Variants in L3MBTL4 observed in about 807,000 individuals in gnomAD.
L3MBTL4 encodes L3MBTL histone methyl-lysine binding protein 4.
A neutral mutation model predicts 84.5 loss-of-function variants in L3MBTL4; 70 were observed. That is an observed-to-expected ratio of 0.83 (90% CI 0.68 to 1.01). L3MBTL4 has a LOEUF of 1.01. L3MBTL4 is among the 50% of genes least tolerant of loss of function. L3MBTL4 has a pLI of 0.00. For missense variants in L3MBTL4, 715 were observed against 754.8 expected (o/e 0.95, Z 0.62); for synonymous variants, 274 against 259.8 (o/e 1.05, Z -0.52).
At chr18:6,299,187 A>G (rs2146802327) in intron 4 of L3MBTL4, among the ~76,000 whole-genome samples, 1 of 152,304 alleles carries the variant, frequency 6.6e-6, no homozygotes, top group Admixed American at 6.5e-5. Context: ...TACTATGAAG[A>G]GTTTATCTCA....
intron 16 of L3MBTL4, among the ~76,000 whole-genome samples, chr18:6,032,568 T>C (rs1392314699): frequency 6.6e-6 from 1 of 151,992 alleles, no homozygotes; most frequent in Non-Finnish European, 1.5e-5. Context: ...ATACACACAA[T>C]ATTTACCGTC....
intron 12 of L3MBTL4, among the ~76,000 whole-genome samples, chr18:6,174,517 G>C (rs1198785431): frequency 6.6e-6 from 1 of 152,074 alleles, no homozygotes; most frequent in Non-Finnish European, 1.5e-5. Context: ...GGAGATGGCA[G>C]AAAAACAGAT....
At chr18:6,387,796 G>A (rs1396112631) in intron 1 of L3MBTL4, among the ~76,000 whole-genome samples, 5 of 152,182 alleles carry the variant, frequency 3.3e-5, no homozygotes, top group Non-Finnish European at 5.9e-5. Context: ...TGATGAGTAG[G>A]GAGCCAAAGA....
chr18:6,329,757 C>T (rs969746973), intron 1 of L3MBTL4, among the ~76,000 whole-genome samples: 1 of 152,110 alleles, frequency 6.6e-6, no homozygotes, highest in Non-Finnish European at 1.5e-5. Context: ...CCCATGATAA[C>T]CCATTAATCC....
intron 14 of L3MBTL4, among the ~76,000 whole-genome samples, chr18:6,125,108 C>T (rs950382854): frequency 1.3e-5 from 2 of 150,354 alleles, no homozygotes; most frequent in Admixed American, 1.3e-4. Flanking sequence ...TAATAAAAAA[C>T]ATTTGGGTGG....
chr18:6,182,328 C>T (rs2044512678), intron 12 of L3MBTL4, among the ~76,000 whole-genome samples: 1 of 152,050 alleles, frequency 6.6e-6, no homozygotes. Context: ...TATACTTTGC[C>T]CACTTTTTAA....
At chr18:6,152,634 A>G (rs987174091) in intron 13 of L3MBTL4, among the ~76,000 whole-genome samples, 1 of 152,146 alleles carries the variant, frequency 6.6e-6, no homozygotes, top group African/African-American at 2.4e-5. Context: ...TGAATTCCTT[A>G]TATACATGGA....
In L3MBTL4 at chr18:5,969,685, G is replaced by A. The variant is rs182439193; in HGVS notation, c.1445-123C>T. On this transcript the variant is annotated intron_variant, in intron 16 of 18. Transcript: ENST00000317931. ...AAGTGCAGACACCACCAGAACCCGC[G>A]TCTTCTGATCGTACAGCATCACCCC... The A allele has an allele frequency of 1.7e-4, 151 of 893,870 alleles. No individual in the cohort carries two copies. The African/African-American group carries it at 1.8e-3, about 11-fold the overall frequency. 55.4% of individuals were successfully genotyped at this position (893,870 alleles called of 1,614,324 possible). A position where few individuals can be genotyped will look rare whatever the true frequency, so the allele number is the denominator to read the frequency against.
intron 13 of L3MBTL4, among the ~76,000 whole-genome samples, chr18:6,140,673 T>C (rs2060171135): frequency 6.6e-6 from 1 of 152,058 alleles, no homozygotes; most frequent in South Asian, 2.1e-4. Context: ...CCTCCCATTC[T>C]CCAGGATCTG....
intron 13 of L3MBTL4, among the ~76,000 whole-genome samples, chr18:6,158,488 G>T (rs1210030655): frequency 6.6e-6 from 1 of 152,130 alleles, no homozygotes; most frequent in African/African-American, 2.4e-5. Context: ...TGAGAGAAAG[G>T]AATAAGCGTA....
chr18:6,019,840 G>C (rs1414894282), intron 16 of L3MBTL4, among the ~76,000 whole-genome samples: 1 of 152,182 alleles, frequency 6.6e-6, no homozygotes, highest in Non-Finnish European at 1.5e-5. Flanking sequence ...TGCAAATTTA[G>C]ATCATGTGTG....
At chr18:6,103,339 G>T (rs1235941023) in intron 14 of L3MBTL4, among the ~76,000 whole-genome samples, 1 of 152,048 alleles carries the variant, frequency 6.6e-6, no homozygotes, top group East Asian at 1.9e-4. Context: ...CTTTTTAATT[G>T]TAACATTTTG....
At chr18:6,069,842 A>G (rs2057524783) in intron 16 of L3MBTL4, among the ~76,000 whole-genome samples, 1 of 152,180 alleles carries the variant, frequency 6.6e-6, no homozygotes, top group African/African-American at 2.4e-5. Context: ...CAAGATAGAG[A>G]ATTTTACTCA....
At chr18:6,020,657 C>T (rs2055206053) in intron 16 of L3MBTL4, among the ~76,000 whole-genome samples, 1 of 152,116 alleles carries the variant, frequency 6.6e-6, no homozygotes, top group Non-Finnish European at 1.5e-5. Context: ...GGAGAGAAGA[C>T]TTTGGAGGCA....
At chr18:6,135,087 A>G (rs1230803140) in intron 14 of L3MBTL4, among the ~76,000 whole-genome samples, 1 of 152,052 alleles carries the variant, frequency 6.6e-6, no homozygotes, top group Non-Finnish European at 1.5e-5. Context: ...CAGGCTCAAC[A>G]CCATGTGGAA....
intron 5 of L3MBTL4, chr18:6,261,007 C>T (rs2048375277): frequency 6.6e-6 from 1 of 152,182 alleles, no homozygotes; most frequent in Admixed American, 6.5e-5. Flanking sequence ...CAAGCATCTT[C>T]TTTAGTTATT....
intron 14 of L3MBTL4, among the ~76,000 whole-genome samples, chr18:6,130,258 C>T (rs192163844): frequency 1.1e-4 from 16 of 150,658 alleles, no homozygotes; most frequent in East Asian, 7.9e-4. Context: ...ACCCCCCACC[C>T]GCCACACACA....
At chr18:6,077,857 C>T (rs1199136967) in intron 16 of L3MBTL4, among the ~76,000 whole-genome samples, 5 of 151,576 alleles carry the variant, frequency 3.3e-5, no homozygotes, top group Non-Finnish European at 5.9e-5. Flanking sequence ...AGTGAAACCC[C>T]GTCTCTACTA....
intron 13 of L3MBTL4, among the ~76,000 whole-genome samples, chr18:6,159,000 C>T (rs564852039): frequency 3.9e-5 from 6 of 152,292 alleles, no homozygotes; most frequent in African/African-American, 1.4e-4. Flanking sequence ...GGTAAGGCTC[C>T]ATCTTCCTGG....
Sources: gnomAD v4.1 joint callset for allele counts (sites outside exome capture counted in the v4.1 genomes callset) on GRCh38, gnomAD v4.1.1 for gene constraint, MANE v1.5 for transcripts, NCBI Gene and HGNC (gene_info 2026-07-23, HGNC 2026-07-21) for gene names.